Variants in ANKRD36C observed in about 807,000 individuals in gnomAD.
The protein encoded by ANKRD36C is ankyrin repeat domain-containing protein 36C.
A neutral mutation model predicts 276.4 loss-of-function variants in ANKRD36C; 61 were observed. That is an observed-to-expected ratio of 0.22 (90% CI 0.18 to 0.27). ANKRD36C has a LOEUF of 0.27. Among genes scored for constraint, ANKRD36C ranks in the 10% least tolerant of loss-of-function variants. The pLI is 1.00. For synonymous variants in ANKRD36C, 483 were observed against 680.1 expected (o/e 0.71, Z 4.51); for missense variants, 1,447 against 2,032.3 (o/e 0.71, Z 5.54).
At chr2:95,927,919 T>C (rs563311272) in intron 26 of ANKRD36C, among the ~76,000 whole-genome samples, 24 of 151,820 alleles carry the variant, frequency 1.6e-4, no homozygotes, top group Middle Eastern at 3.4e-3. Flanking sequence ...GTGTCCTAAA[T>C]TGATCACCTT....
At chr2:95,855,376 A>G in exon 63 of ANKRD36C, 1 of 1,613,364 alleles carries the variant, frequency 6.2e-7, no homozygotes, top group Non-Finnish European at 8.5e-7. Flanking sequence ...TGCTTTCTGC[A>G]CTCAGCTTGA....
chr2:95,960,545 C>G, exon 10 of ANKRD36C: 1 of 1,468,064 alleles, frequency 6.8e-7, no homozygotes, highest in Middle Eastern at 2.2e-4. Flanking sequence ...TCACTTGTAC[C>G]CTGAATGGGA....
At chr2:95,918,166 C>T (rs1573766166) in intron 34 of ANKRD36C, 124 bp from the exon 37 acceptor site, 6 of 1,441,822 alleles carry the variant, frequency 4.2e-6, no homozygotes, top group East Asian at 2.5e-5. Context: ...CTGATGTCTT[C>T]TACTTTGTGT....
At position 95,869,100 on chromosome 2, in the gene ANKRD36C, T is replaced by C. The variant is rs1675745611; in HGVS notation, c.3541-1519A>G. 3.9e-5 allele frequency among the ~76,000 whole-genome samples: 6 copies of C among 152,236 alleles called. No homozygotes were observed. In the South Asian group the frequency reaches 1.2e-3, roughly 32 times the overall value. On this transcript the variant is annotated intron_variant, in intron 59 of 66. Coordinates refer to ENST00000456556, the Ensembl canonical transcript of ANKRD36C. Reference sequence around the variant, plus strand: ...ATGTCTTTTCTGTCAGAGTACATGTTTTAAAAATAACTTTATCTTTAAATA... The same window carrying C: ...ATGTCTTTTCTGTCAGAGTACATGTCTTAAAAATAACTTTATCTTTAAATA...
chr2:95,924,067 A>G (rs575968226), intron 30 of ANKRD36C, among the ~76,000 whole-genome samples: 2 of 151,676 alleles, frequency 1.3e-5, no homozygotes, highest in African/African-American at 4.8e-5. Flanking sequence ...CATGCAAGCT[A>G]TCAAAAGGAT....
chr2:95,876,542 G>T (rs2104310987), intron 58 of ANKRD36C, 30 bp from the exon 79 acceptor site: 1 of 1,587,704 alleles, frequency 6.3e-7, no homozygotes, highest in East Asian at 2.3e-5. Flanking sequence ...TAGTTAAAAT[G>T]AGCTACACAG....
In ANKRD36C at chr2:95,869,454, A is replaced by G. The variant is rs1226352173; in HGVS notation, c.3541-1873T>C. Reference sequence around the variant, plus strand: ...TGCTTTTTCCTAATATTACTAACTAATGATTAGGCAAACTTTAAATTATTA... The same window carrying G: ...TGCTTTTTCCTAATATTACTAACTAGTGATTAGGCAAACTTTAAATTATTA... On this transcript the variant is annotated intron_variant, in intron 59 of 66. Coordinates refer to ENST00000456556, the Ensembl canonical transcript of ANKRD36C. 3.3e-5 allele frequency among the ~76,000 whole-genome samples: 5 copies of G among 152,210 alleles called. No homozygotes were observed. In the Middle Eastern group the frequency reaches 9.5e-3, roughly 289 times the overall value.
At chr2:95,946,156 G>GAAAAAAA (rs56964568) in intron 17 of ANKRD36C, among the ~76,000 whole-genome samples, 1,743 of 73,248 alleles carry the variant, frequency 0.024, 70 homozygotes, top group Middle Eastern at 0.044. Context: ...ACAGAGAGAG[G>GAAAAAAA]AAAAAAAAAA....
At chr2:95,880,806 C>CA (rs1248204411) in intron 56 of ANKRD36C, among the ~76,000 whole-genome samples, 183 bp from the exon 77 acceptor site, 1 of 152,084 alleles carries the variant, frequency 6.6e-6, no homozygotes, top group African/African-American at 2.4e-5. Flanking sequence ...AATAGGAATA[C>CA]AAGCTTCAAA....
At chr2:95,970,198 C>T (rs1316306160) in intron 6 of ANKRD36C, among the ~76,000 whole-genome samples, 1 of 152,144 alleles carries the variant, frequency 6.6e-6, no homozygotes, top group African/African-American at 2.4e-5. Flanking sequence ...TTTCAGCTGC[C>T]AATGCAGAAG....
At chr2:95,975,266 G>A (rs1196978874) in intron 6 of ANKRD36C, among the ~76,000 whole-genome samples, 2 of 151,946 alleles carry the variant, frequency 1.3e-5, no homozygotes, top group Admixed American at 1.3e-4. Flanking sequence ...TCACAGAATT[G>A]GAAAAAACTA....
chr2:95,980,860 T>A, intron 4 of ANKRD36C, 75 bp from the exon 5 acceptor site: 1 of 1,506,778 alleles, frequency 6.6e-7, no homozygotes, highest in Non-Finnish European at 8.9e-7. Context: ...ATCAACTTAA[T>A]ATGTTGCCTG....
chr2:95,872,055 C>A (rs1264142817), intron 59 of ANKRD36C, among the ~76,000 whole-genome samples: 13 of 138,780 alleles, frequency 9.4e-5, no homozygotes, highest in East Asian at 2.1e-4. Context: ...TAGACTCCCA[C>A]ACAATAATAA....
Position 95,958,457 on chromosome 2 carries a change from T to C in ANKRD36C, c.1105+134A>G, listed in dbSNP as rs1678381755. On this transcript the variant is annotated intron_variant, in intron 12 of 66. Transcript: ENST00000456556. ...AGAATCACCATCACTCAAGAACTTA[T>C]TACAAATGCAGAATCTCAGGCCCGC... 1.2e-5 allele frequency: 14 copies of C among 1,217,122 alleles called. No homozygotes were observed. The South Asian group carries it at 1.4e-4, about 12-fold the overall frequency. 75.4% of individuals were successfully genotyped at this position (1,217,122 alleles called of 1,614,324 possible).
intron 20 of ANKRD36C, among the ~76,000 whole-genome samples, chr2:95,939,710 G>A (rs78236989): frequency 0.012 from 26 of 2,094 alleles, no homozygotes; most frequent in Admixed American, 0.014. Flanking sequence ...GTCTCAAAAA[G>A]AAAAGAAAAG....
intron 58 of ANKRD36C, among the ~76,000 whole-genome samples, chr2:95,878,955 T>C (rs1676014393): frequency 6.6e-6 from 1 of 152,202 alleles, no homozygotes; most frequent in Non-Finnish European, 1.5e-5. Context: ...ATCCCATTGC[T>C]AGGTAACTAC....
chr2:95,938,014 C>T (rs1293633263), intron 22 of ANKRD36C, among the ~76,000 whole-genome samples: 1 of 151,938 alleles, frequency 6.6e-6, no homozygotes, highest in South Asian at 2.1e-4. Context: ...ACTGTGTCAA[C>T]CTGGACAGAT....
chr2:95,893,953 A>T (rs1676455304), intron 44 of ANKRD36C, among the ~76,000 whole-genome samples: 1 of 151,458 alleles, frequency 6.6e-6, no homozygotes, highest in Admixed American at 6.6e-5. Context: ...ACGATTTCTC[A>T]TATGTCAAAA....
At chr2:95,874,623 G>A (rs1675899704) in intron 59 of ANKRD36C, among the ~76,000 whole-genome samples, 1 of 152,196 alleles carries the variant, frequency 6.6e-6, no homozygotes, top group Non-Finnish European at 1.5e-5. Context: ...GCATGGGCAA[G>A]GACTTCATGT....
Sources: allele counts gnomAD v4.1 joint callset (sites outside exome capture counted in the v4.1 genomes callset), GRCh38; gene constraint gnomAD v4.1.1; transcripts MANE v1.5; gene names NCBI Gene and HGNC (gene_info 2026-07-23, HGNC 2026-07-21).